The following DCHS2 variants were observed in gnomAD, a reference collection of about 807,000 sequenced individuals.
The protein encoded by DCHS2 is protocadherin-23.
In DCHS2, 142 loss-of-function variants were observed where a neutral mutation model predicts 182.4. The observed-to-expected ratio is 0.78, with a 90% CI of 0.68 to 0.89. The LOEUF (loss-of-function observed/expected upper bound fraction) is 0.89. Ranked by LOEUF, DCHS2 falls within the 40% of genes least tolerant of loss-of-function variation. The pLI, the probability that DCHS2 is intolerant of heterozygous loss-of-function variation, is 0.00. For synonymous variants in DCHS2, 1,740 were observed against 1,663.3 expected (o/e 1.05, Z -1.12); for missense variants, 4,319 against 4,198.6 (o/e 1.03, Z -0.79).
Position 154,490,910 on chromosome 4 carries a change from G to C in DCHS2, c.446C>G (p.Ala149Gly). The C allele has an allele frequency of 6.4e-7, 1 of 1,551,286 alleles. No individual in the cohort carries two copies. Among genetic ancestry groups the C allele is most frequent in the South Asian group, 1.2e-5 (1 of 84,058 alleles). Residue 149 changes from alanine (A) to glycine (G), a missense_variant, in exon 1 of 20, where the codon GCT (alanine) becomes GGT (glycine). Ala to Gly is a moderately conservative substitution (Grantham distance 60, BLOSUM62 0). Coordinates refer to ENST00000357232, the MANE Select transcript of DCHS2 (RefSeq NM_001358235.2). ...YSFVAATLLG[A>G]VVQVEIRVND... ...GACGCGAATCTCCACCTGCACCACA[G>C]CGCCCAGCAGCGTGGCGGCGACGAA...
At chr4:154,276,300 A>G (rs1733850984) in intron 13 of DCHS2, among the ~76,000 whole-genome samples, 1 of 152,158 alleles carries the variant, frequency 6.6e-6, no homozygotes, top group South Asian at 2.1e-4. Context: ...CTGACACCGT[A>G]TTTAAAAAGT....
chr4:154,314,942 A>C (rs1735800965), intron 10 of DCHS2, among the ~76,000 whole-genome samples: 1 of 152,080 alleles, frequency 6.6e-6, no homozygotes, highest in Non-Finnish European at 1.5e-5. Context: ...ACAGCACTGT[A>C]ATTTTTGTAA....
intron 1 of DCHS2, among the ~76,000 whole-genome samples, chr4:154,469,071 C>T (rs974425862): frequency 6.6e-6 from 1 of 151,924 alleles, no homozygotes; most frequent in Non-Finnish European, 1.5e-5. Flanking sequence ...AATTATACCT[C>T]GATAAAGCTG....
intron 1 of DCHS2, among the ~76,000 whole-genome samples, chr4:154,463,032 A>G (rs1735077450): frequency 6.6e-6 from 1 of 151,306 alleles, no homozygotes; most frequent in Non-Finnish European, 1.5e-5. Flanking sequence ...CAAATCCTCA[A>G]CCCCATTCCT....
chr4:154,323,092 T>C (rs1460187106), intron 7 of DCHS2: 3 of 1,189,086 alleles, frequency 2.5e-6, no homozygotes, highest in Admixed American at 5.4e-5. Context: ...GTCCTTGCAA[T>C]TTATTTGTTG....
rs138106573 is a variant in DCHS2 at position 154,235,247 on chromosome 4, G to A, written c.9405C>T (p.Ile3135=). Residue 3135 remains isoleucine, a synonymous_variant, in exon 20 of 20, where the codon ATC becomes ATT. Transcript: ENST00000357232. ...DHESRVPDSG[I]PRDSDQLSCL... ...AGGAGAGCTGGTCTGAGTCCCTCGG[G>A]ATACCCGAGTCTGGCACCCTGGACT... The A allele has an allele frequency of 4.3e-4, 702 of 1,614,048 alleles. 2 individuals are homozygous for A. In the East Asian group the frequency reaches 0.011, roughly 26 times the overall value.
chr4:154,253,088 T>G, intron 16 of DCHS2, among the ~76,000 whole-genome samples: 1 of 99,798 alleles, frequency 1.0e-5, no homozygotes, highest in Non-Finnish European at 2.0e-5. Context: ...CCACAGCAGG[T>G]GTTGTGCGGG....
At chr4:154,285,854 GC>G (rs1734370848) in intron 13 of DCHS2, among the ~76,000 whole-genome samples, 1 of 151,968 alleles carries the variant, frequency 6.6e-6, no homozygotes. Flanking sequence ...CCACTGTAGA[GC>G]CCTGGGGCCT....
chr4:154,252,423 T>G (rs2111143423), intron 16 of DCHS2, among the ~76,000 whole-genome samples: 1 of 152,306 alleles, frequency 6.6e-6, no homozygotes, highest in South Asian at 2.1e-4. Flanking sequence ...ATACTGGGTC[T>G]TATTCATTCA....
intron 1 of DCHS2, among the ~76,000 whole-genome samples, chr4:154,455,346 G>A (rs916456859): frequency 6.6e-6 from 1 of 152,222 alleles, no homozygotes; most frequent in Non-Finnish European, 1.5e-5. Flanking sequence ...TTCATGAATT[G>A]TCAAGGGAAA....
At chr4:154,488,939 TG>T (rs1728686609) in intron 1 of DCHS2, among the ~76,000 whole-genome samples, 1 of 150,926 alleles carries the variant, frequency 6.6e-6, no homozygotes, top group Non-Finnish European at 1.5e-5. Flanking sequence ...TGTGTATACA[TG>T]TATTTATATG....
chr4:154,291,244 C>A (rs1734646017), intron 13 of DCHS2, among the ~76,000 whole-genome samples: 1 of 151,810 alleles, frequency 6.6e-6, no homozygotes, highest in Admixed American at 6.6e-5. Context: ...AGTGAAATAT[C>A]ATCTCATCTC....
chr4:154,491,785 A>C lies in DCHS2; in HGVS notation c.-430T>G. ...AAGGAGAGGATGGGGATCTGGCCGG[A>C]GTAGGGGGTGGAGTAAGGGCGTGGA... is the stretch of plus-strand genomic sequence containing the variant. On this transcript the variant is annotated 5_prime_UTR_variant, in exon 1 of 20. Transcript: ENST00000357232. The C allele has an allele frequency of 2.0e-6, 2 of 981,574 alleles. No individual in the cohort carries two copies. The highest frequency in any genetic ancestry group is 2.4e-6 in the Non-Finnish European group (2 of 830,126). The allele number at this position is 981,574 out of a possible 1,614,324, so 60.8% of individuals were successfully genotyped here.
chr4:154,325,840 T>C (rs1736261145), intron 7 of DCHS2, among the ~76,000 whole-genome samples: 1 of 152,224 alleles, frequency 6.6e-6, no homozygotes, highest in East Asian at 1.9e-4. Context: ...GAACTGCATA[T>C]GTAACTTTTC....
At chr4:154,342,922 T>C (rs1729176569) in intron 3 of DCHS2, among the ~76,000 whole-genome samples, 1 of 152,214 alleles carries the variant, frequency 6.6e-6, no homozygotes. Flanking sequence ...ACTATAGCCT[T>C]AGGAAATGTA....
chr4:154,395,723 A>G (rs1174761213), intron 1 of DCHS2, among the ~76,000 whole-genome samples: 1 of 152,238 alleles, frequency 6.6e-6, no homozygotes, highest in Non-Finnish European at 1.5e-5. Context: ...CTATAAGACT[A>G]TTATATAAAA....
chr4:154,447,252 A>G (rs1286742887), intron 1 of DCHS2, among the ~76,000 whole-genome samples: 2 of 152,202 alleles, frequency 1.3e-5, no homozygotes, highest in East Asian at 3.8e-4. Flanking sequence ...AGATTGTGCC[A>G]CTGTGCTCCA....
chr4:154,366,092 T>C (rs1730337249), intron 3 of DCHS2, 118 bp downstream of exon 3: 10 of 711,358 alleles, frequency 1.4e-5, no homozygotes, highest in Non-Finnish European at 2.4e-5. Flanking sequence ...GAAGGTTAAG[T>C]GAGTCCTGCA....
chr4:154,234,861 A>T lies in DCHS2; in HGVS notation c.9791T>A (p.Met3264Lys). The T allele has an allele frequency of 6.2e-7, 1 of 1,614,144 alleles. No homozygotes were observed. Among genetic ancestry groups the T allele is most frequent in the South Asian group, 1.1e-5 (1 of 91,086 alleles). Reference sequence around the variant, plus strand: ...TTTCTTCTCTTTTGGAATGCCAGGCATATGCAAATGTTCATCCTTTAGTTT... The same window carrying T: ...TTTCTTCTCTTTTGGAATGCCAGGCTTATGCAAATGTTCATCCTTTAGTTT... ...IAKLKDEHLH[M>K]PGIPKEKKSF... The change falls in exon 20 of 20, where the codon ATG (methionine) becomes AAG (lysine). Residue 3264 changes from methionine (M) to lysine (K), a missense_variant. Physicochemically the swap from Met to Lys is moderately conservative, Grantham distance 95. Transcript: ENST00000357232.
Sources: allele counts gnomAD v4.1 joint callset (sites outside exome capture counted in the v4.1 genomes callset), GRCh38; gene constraint gnomAD v4.1.1; transcripts MANE v1.5; gene names NCBI Gene and HGNC (gene_info 2026-07-23, HGNC 2026-07-21).